PFKM: variants seen among roughly 807,000 people sequenced by gnomAD.
PFKM encodes phosphofructokinase, muscle.
In PFKM, 58 loss-of-function variants were observed where a neutral mutation model predicts 95.5. That is an observed-to-expected ratio of 0.61 (90% CI 0.49 to 0.76). The LOEUF is 0.76. Ranked by LOEUF, PFKM falls within the 30% of genes least tolerant of loss-of-function variation. The probability of loss-of-function intolerance (pLI) is 0.00; values close to 1 mark genes in which losing one functional copy is unlikely to be tolerated. For synonymous variants in PFKM, 336 were observed against 357.2 expected (o/e 0.94, Z 0.67); for missense variants, 678 against 1,005.4 (o/e 0.67, Z 4.40).
At chr12:48,114,953 A>G (rs1193909058), upstream of PFKM, among the ~76,000 whole-genome samples, 2 of 152,188 alleles carry the variant, frequency 1.3e-5, no homozygotes, top group African/African-American at 4.8e-5. Context: ...GCTAAGGCAG[A>G]AGAAGGAGGA....
At chr12:48,109,374 C>CT (rs1373650630) in intron 3 of PFKM, among the ~76,000 whole-genome samples, 1 of 148,370 alleles carries the variant, frequency 6.7e-6, no homozygotes. Flanking sequence ...CTTTTCTTTC[C>CT]TTTTTTCTTT....
upstream of PFKM, among the ~76,000 whole-genome samples, chr12:48,116,308 T>C (rs1026810730): frequency 9.9e-5 from 15 of 151,980 alleles, no homozygotes; most frequent in Non-Finnish European, 1.6e-4. Context: ...TTTCTTTTTT[T>C]CTTTTTTGAT....
At chr12:48,127,496 C>G (rs1948980179) in intron 2 of PFKM, among the ~76,000 whole-genome samples, 1 of 152,164 alleles carries the variant, frequency 6.6e-6, no homozygotes. Flanking sequence ...GACATTTTCT[C>G]CTTCTCTGAC....
rs956803934 is a variant in PFKM, at chr12:48,108,004, A to C, written c.83-68A>C. On this transcript the variant is annotated intron_variant, in intron 2 of 24. Coordinates refer to the PFKM transcript ENST00000340802. The stretch of plus-strand genomic sequence containing the variant: ...CAGCTCAGAGTCATAGGGAAAATGA[A>C]AGGGAGTAAGGAACACTCCCTTCCC... The C allele has an allele frequency of 9.1e-6, 14 of 1,535,560 alleles. No homozygotes were observed. The African/African-American group carries it at 1.8e-4, about 20-fold the overall frequency.
intron 20 of PFKM, among the ~76,000 whole-genome samples, chr12:48,144,490 T>C (rs934533019): frequency 6.6e-6 from 1 of 152,200 alleles, no homozygotes; most frequent in African/African-American, 2.4e-5. Flanking sequence ...ACAGCATCCC[T>C]GGTCTCTACC....
Position 48,144,296 on chromosome 12 carries a change from G to A in PFKM, c.1992+139G>A. The A allele has an allele frequency of 4.2e-6, 3 of 717,802 alleles. No homozygotes were observed. The South Asian group carries it at 4.3e-5, about 10-fold the overall frequency. The allele number at this position is 717,802 out of a possible 1,614,324, so 44.5% of individuals were successfully genotyped here. A position where few individuals can be genotyped will look rare whatever the true frequency, so the allele number is the denominator to read the frequency against. On this transcript the variant is annotated intron_variant, in intron 20 of 22. Coordinates refer to ENST00000359794, the MANE Select transcript of PFKM (RefSeq NM_000289.6). ...CTGTCAGTGCCATCATAGAGCATGG[G>A]CCTGCAGTCTCTTACAGTCATAGAA...
At chr12:48,139,697 C>A in intron 12 of PFKM, 152 bp from the exon 13 acceptor site, 1 of 706,558 alleles carries the variant, frequency 1.4e-6, no homozygotes. Context: ...TTTTGCAGCC[C>A]CTGCCCTGTC....
chr12:48,144,246 G>A, intron 20 of PFKM, 89 bp downstream of exon 20: 1 of 858,158 alleles, frequency 1.2e-6, no homozygotes, highest in Non-Finnish European at 2.0e-6. Flanking sequence ...GCTTCCACTG[G>A]CCTTTTCCAG....
intron 1 of PFKM, among the ~76,000 whole-genome samples, chr12:48,119,619 C>T (rs1948000301): frequency 7.0e-6 from 1 of 142,658 alleles, no homozygotes; most frequent in Non-Finnish European, 1.5e-5. Flanking sequence ...GGCTCAGCTG[C>T]ATTCCCCAGG....
In PFKM at chr12:48,120,925, C is replaced by T. The variant is rs145090615; in HGVS notation, c.-9+1519C>T. On this transcript the variant is annotated intron_variant, in intron 1 of 22. Coordinates refer to ENST00000359794, the MANE Select transcript of PFKM (RefSeq NM_000289.6). ...CCAGCACTTTGGGAGGCAAGGTGGGCGGATCACCTGAAGTCAGGAGTTCAA... is the reference window on the plus strand; with the variant it reads ...CCAGCACTTTGGGAGGCAAGGTGGGTGGATCACCTGAAGTCAGGAGTTCAA... Among the ~76,000 whole-genome samples, 1,337 of 152,200 alleles carry T rather than the reference C, an allele frequency of 8.8e-3. 16 individuals are homozygous for T. The highest frequency in any genetic ancestry group is 0.029 in the African/African-American group (1,216 of 41,520).
chr12:48,143,095 T>C, intron 18 of PFKM, 149 bp downstream of exon 18: 2 of 776,772 alleles, frequency 2.6e-6, no homozygotes, highest in South Asian at 1.5e-5. Flanking sequence ...ATGCAGGCAT[T>C]CTCTGGTGTC....
intron 4 of PFKM, chr12:48,132,286 A>G (rs1949587380): frequency 2.9e-5 from 9 of 310,670 alleles, no homozygotes; most frequent in Non-Finnish European, 5.0e-5. Flanking sequence ...TGGGGTATCT[A>G]TAAGGCTTTC....
At chr12:48,141,247 C>A in intron 14 of PFKM, 64 bp from the exon 15 acceptor site, 1 of 1,449,378 alleles carries the variant, frequency 6.9e-7, no homozygotes, top group Non-Finnish European at 9.7e-7. Context: ...AGCAGTGGCA[C>A]CAGTCCCACA....
intron 15 of PFKM, 65 bp from the exon 16 acceptor site, chr12:48,141,675 A>G (rs546525530): frequency 6.5e-6 from 8 of 1,228,136 alleles, no homozygotes; most frequent in Non-Finnish European, 1.2e-6. Flanking sequence ...TCTCCCCCTC[A>G]ATTTTCCTGT....
intron 6 of PFKM, 110 bp downstream of exon 6, chr12:48,133,590 C>T (rs989887444): frequency 2.1e-6 from 2 of 968,752 alleles, no homozygotes; most frequent in Non-Finnish European, 3.3e-6. Flanking sequence ...CTATAATGGC[C>T]AGTTTTCTGG....
Position 48,132,993 on chromosome 12 carries a change from C to G in PFKM, c.363C>G (p.Ser121Arg). Reference sequence around the variant, plus strand: ...TCTGTGTCATTGGGGGTGATGGCAGCCTCACTGGGGCTGACACCTTCCGTT... The same window carrying G: ...TCTGTGTCATTGGGGGTGATGGCAGGCTCACTGGGGCTGACACCTTCCGTT... The part of the protein sequence containing the change: ...TNLCVIGGDG[S>R]LTGADTFRSE... The change falls in exon 5 of 23, where the codon AGC (serine) becomes AGG (arginine). Residue 121 changes from serine (S) to arginine (R), a missense_variant. Coordinates refer to ENST00000359794, the MANE Select transcript of PFKM (RefSeq NM_000289.6). 1 of 1,614,152 alleles carries G rather than the reference C, an allele frequency of 6.2e-7. No individual in the cohort carries two copies. The highest frequency in any genetic ancestry group is 8.5e-7 in the Non-Finnish European group (1 of 1,180,014).
chr12:48,123,680 A>G (rs1948531619), intron 2 of PFKM, among the ~76,000 whole-genome samples: 1 of 152,204 alleles, frequency 6.6e-6, no homozygotes, highest in African/African-American at 2.4e-5. Flanking sequence ...CCTCTGCACC[A>G]CTGTTCCTAG....
chr12:48,139,800 C>T (rs747382565), intron 12 of PFKM, 49 bp from the exon 13 acceptor site: 5 of 1,231,820 alleles, frequency 4.1e-6, no homozygotes, highest in Admixed American at 1.7e-5. Flanking sequence ...TGGCTGCTGG[C>T]TGTGGGGAAT....
chr12:48,129,436 A>G (rs1949223212), intron 2 of PFKM, among the ~76,000 whole-genome samples: 1 of 151,732 alleles, frequency 6.6e-6, no homozygotes, highest in South Asian at 2.1e-4. Flanking sequence ...CCCCATAAAC[A>G]TCTTATATAC....
Sources: gnomAD v4.1 joint callset for allele counts (sites outside exome capture counted in the v4.1 genomes callset) on GRCh38, gnomAD v4.1.1 for gene constraint, MANE v1.5 for transcripts, NCBI Gene and HGNC (gene_info 2026-07-23, HGNC 2026-07-21) for gene names.